The following C12orf42 variants were observed in gnomAD, a reference collection of about 807,000 sequenced individuals.
C12orf42 encodes chromosome 12 open reading frame 42.
A neutral mutation model predicts 21.6 loss-of-function variants in C12orf42; 25 were observed. That is an observed-to-expected ratio of 1.16 (90% CI 0.84 to 1.62). The LOEUF (loss-of-function observed/expected upper bound fraction) is 1.62. C12orf42 is among the 40% of genes most tolerant of loss of function. The pLI is 0.00. For synonymous variants in C12orf42, 174 were observed against 175.0 expected (o/e 0.99, Z 0.05); for missense variants, 483 against 459.3 (o/e 1.05, Z -0.47).
At chr12:103,424,137 G>A (rs548538767) in intron 2 of C12orf42, among the ~76,000 whole-genome samples, 51 of 152,354 alleles carry the variant, frequency 3.3e-4, no homozygotes, top group Admixed American at 5.2e-4. Context: ...GCCTTTGAGC[G>A]CAAGCTCCAA....
intron 10 of C12orf42, among the ~76,000 whole-genome samples, chr12:103,246,626 C>A (rs1481680411): frequency 6.6e-6 from 1 of 152,014 alleles, no homozygotes; most frequent in Non-Finnish European, 1.5e-5. Flanking sequence ...AAAAGTAGTT[C>A]AACCGTGCAA....
At chr12:103,537,590 G>A in the C12orf42 span, among the ~76,000 whole-genome samples, 1 of 152,240 alleles carries the variant, frequency 6.6e-6, no homozygotes, top group South Asian at 2.1e-4. Flanking sequence ...AGAAGTGGCT[G>A]TAGAGAGGAC....
intron 2 of C12orf42, among the ~76,000 whole-genome samples, chr12:103,472,831 T>C (rs1482424602): frequency 2.6e-5 from 4 of 152,200 alleles, no homozygotes; most frequent in African/African-American, 9.6e-5. Flanking sequence ...AGAGGCCCTG[T>C]ACCCATGGGG....
the C12orf42 span, among the ~76,000 whole-genome samples, chr12:103,221,504 TTAAATTACTTA>T: frequency 2.0e-5 from 3 of 152,198 alleles, no homozygotes; most frequent in Non-Finnish European, 4.4e-5. Context: ...TAAAAAGCAA[TTAAATTACTTA>T]TGACTCTGTG....
intron 4 of C12orf42, among the ~76,000 whole-genome samples, chr12:103,307,532 G>A (rs1246078589): frequency 6.6e-6 from 1 of 152,140 alleles, no homozygotes; most frequent in Non-Finnish European, 1.5e-5. Flanking sequence ...AATTGTCAAA[G>A]ATATTAATGA....
chr12:103,268,908 G>A (rs2035304745), exon 7 of C12orf42: 1 of 152,104 alleles, frequency 6.6e-6, no homozygotes, highest in African/African-American at 2.4e-5. Flanking sequence ...ATTTGAATAA[G>A]TATCTGATGT....
chr12:103,310,751 T>A (rs986705270), intron 4 of C12orf42, among the ~76,000 whole-genome samples: 3 of 152,274 alleles, frequency 2.0e-5, no homozygotes, highest in Non-Finnish European at 4.4e-5. Flanking sequence ...GGCTTTTCAT[T>A]TTCATTTTAA....
the C12orf42 span, among the ~76,000 whole-genome samples, chr12:103,094,554 T>C: frequency 1.3e-5 from 2 of 152,212 alleles, no homozygotes; most frequent in Admixed American, 6.5e-5. Flanking sequence ...GAGTCATCTC[T>C]TCCTCCTCTG....
intron 4 of C12orf42, among the ~76,000 whole-genome samples, chr12:103,341,109 TC>T (rs1333734355): frequency 1.3e-5 from 1 of 79,250 alleles, no homozygotes; most frequent in East Asian, 5.0e-4. Flanking sequence ...CAAGACTCTG[TC>T]TCAAAAAAAA....
Position 103,290,829 on chromosome 12 carries a change from T to C in C12orf42, n.338-13619A>G, listed in dbSNP as rs1004511257. The stretch of plus-strand genomic sequence containing the variant: ...TTCTGGATGCACTTTAGAAAACGTG[T>C]AGAATGGACATACAAAGTGGAATAA... On this transcript the variant is annotated intron_variant and non_coding_transcript_variant, in intron 4 of 6. Transcript: ENST00000546526. Among the ~76,000 whole-genome samples, 8 of 152,020 alleles carry C rather than the reference T, an allele frequency of 5.3e-5. No individual in the cohort carries two copies. The East Asian group carries it at 1.6e-3, about 29-fold the overall frequency.
At chr12:103,349,747 G>C (rs545158075) in intron 4 of C12orf42, among the ~76,000 whole-genome samples, 1 of 152,102 alleles carries the variant, frequency 6.6e-6, no homozygotes, top group East Asian at 1.9e-4. Flanking sequence ...TTTACTTCTT[G>C]TTAAATTTTT....
intron 4 of C12orf42, among the ~76,000 whole-genome samples, chr12:103,366,503 G>A (rs2044614875): frequency 1.3e-5 from 2 of 151,812 alleles, no homozygotes; most frequent in Non-Finnish European, 2.9e-5. Context: ...ATGGCAAAAC[G>A]AAAAGTCAGC....
At chr12:103,525,556 C>G in the C12orf42 span, among the ~76,000 whole-genome samples, 1 of 151,846 alleles carries the variant, frequency 6.6e-6, no homozygotes, top group Non-Finnish European at 1.5e-5. Flanking sequence ...TCATAGCAAC[C>G]CCTGAGGTAA....
intron 4 of C12orf42, among the ~76,000 whole-genome samples, chr12:103,281,450 C>T (rs1239008528): frequency 6.6e-6 from 1 of 151,808 alleles, no homozygotes; most frequent in African/African-American, 2.4e-5. Flanking sequence ...GCCAGCTCCA[C>T]CTCCTGGGTT....
the C12orf42 span, among the ~76,000 whole-genome samples, chr12:103,172,356 G>C: frequency 6.6e-6 from 1 of 152,042 alleles, no homozygotes; most frequent in Non-Finnish European, 1.5e-5. Context: ...GGAAGTTGAT[G>C]GAATGAGCCA....
At chr12:103,229,919 G>A in the C12orf42 span, among the ~76,000 whole-genome samples, 9 of 152,266 alleles carry the variant, frequency 5.9e-5, no homozygotes, top group Non-Finnish European at 8.8e-5. Flanking sequence ...CACCACATCC[G>A]AGGAGTGAGA....
the C12orf42 span, among the ~76,000 whole-genome samples, chr12:103,058,744 G>A: frequency 5.3e-5 from 8 of 152,224 alleles, no homozygotes; most frequent in South Asian, 2.1e-4. Flanking sequence ...GGTAAATAAC[G>A]AAATTAAGGC....
chr12:103,344,745 C>T (rs1243404303), intron 4 of C12orf42, among the ~76,000 whole-genome samples: 2 of 152,038 alleles, frequency 1.3e-5, no homozygotes, highest in Non-Finnish European at 2.9e-5. Context: ...CATCCATGTA[C>T]AAACAGAGCA....
the C12orf42 span, among the ~76,000 whole-genome samples, chr12:103,208,843 G>A: frequency 1.1e-4 from 17 of 152,136 alleles, no homozygotes; most frequent in Non-Finnish European, 2.5e-4. Flanking sequence ...GATGTAAAAT[G>A]AGCTTAGTGT....
Sources: gnomAD v4.1 joint callset for allele counts (sites outside exome capture counted in the v4.1 genomes callset) on GRCh38, gnomAD v4.1.1 for gene constraint, MANE v1.5 for transcripts, NCBI Gene and HGNC (gene_info 2026-07-23, HGNC 2026-07-21) for gene names.